The following NPEPPS variants were observed in gnomAD, a reference collection of about 807,000 sequenced individuals.
NPEPPS encodes puromycin-sensitive aminopeptidase.
In NPEPPS, 14 loss-of-function variants were observed where a neutral mutation model predicts 115.5. The ratio of observed to expected loss-of-function variants is 0.12; its 90% CI spans 0.08 to 0.19. The LOEUF (loss-of-function observed/expected upper bound fraction) is 0.19, where lower values mean the gene tolerates loss of function less well. Ranked by LOEUF, NPEPPS falls within the 10% of genes least tolerant of loss-of-function variation. NPEPPS has a pLI of 1.00. For synonymous variants in NPEPPS, 285 were observed against 390.6 expected, an observed-to-expected ratio of 0.73 and a Z score of 3.19; for missense variants, 523 against 1,110.8, an observed-to-expected ratio of 0.47 and a Z score of 7.52.
Position 47,605,698 on chromosome 17 carries a change from TCTG to T in NPEPPS, c.2095+150_2095+152del. 9 of 627,114 alleles carry T rather than the reference TCTG, an allele frequency of 1.4e-5. 1 individual carries two copies. In the South Asian group the frequency reaches 1.8e-4, roughly 13 times the overall value. The allele number at this position is 627,114 out of a possible 1,614,324, so 38.8% of individuals were successfully genotyped here. ...GAAATTAAGACGTGAGTCTTTTAAGTCTGCTGGTGAAGTTACATGGGTCAACAA... is the reference window on the plus strand; with the variant it reads ...GAAATTAAGACGTGAGTCTTTTAAGTCTGGTGAAGTTACATGGGTCAACAA... On this transcript the variant is annotated intron_variant, in intron 17 of 22. Coordinates refer to ENST00000322157, the MANE Select transcript of NPEPPS (RefSeq NM_006310.4).
intron 19 of NPEPPS, among the ~76,000 whole-genome samples, chr17:47,615,258 A>G (rs994692965): frequency 3.9e-5 from 6 of 151,916 alleles, no homozygotes; most frequent in African/African-American, 1.2e-4. Flanking sequence ...TTGTATTTTC[A>G]GTAGAGACGG....
intron 17 of NPEPPS, among the ~76,000 whole-genome samples, chr17:47,606,216 CT>C (rs1358238615): frequency 2.0e-5 from 3 of 152,076 alleles, no homozygotes; most frequent in Non-Finnish European, 4.4e-5. Context: ...CAGGGGTCAG[CT>C]TTTTTAATTA....
chr17:47,572,330 AGT>A (rs1567852808), intron 3 of NPEPPS, among the ~76,000 whole-genome samples: 2 of 152,200 alleles, frequency 1.3e-5, no homozygotes, highest in African/African-American at 4.8e-5. Flanking sequence ...GACCAAAGCA[AGT>A]AGCATGACCA....
intron 1 of NPEPPS, among the ~76,000 whole-genome samples, chr17:47,543,092 G>A (rs552379036): frequency 6.7e-6 from 1 of 149,018 alleles, no homozygotes; most frequent in Non-Finnish European, 1.5e-5. Context: ...AGCCAAGATC[G>A]CAAGATCGCA....
chr17:47,572,488 A>AC (rs892946857), intron 3 of NPEPPS, among the ~76,000 whole-genome samples: 38 of 151,762 alleles, frequency 2.5e-4, no homozygotes, highest in Non-Finnish European at 3.8e-4. Context: ...TAAAAAAAAA[A>AC]CAAACAAACC....
intron 22 of NPEPPS, 189 bp downstream of exon 22, chr17:47,619,973 C>A: frequency 1.9e-6 from 1 of 516,850 alleles, no homozygotes; most frequent in Admixed American, 3.3e-5. Flanking sequence ...TAGCTCACAT[C>A]TGTAATCTCA....
chr17:47,597,961 G>A (rs1912976908), intron 13 of NPEPPS, among the ~76,000 whole-genome samples: 1 of 152,152 alleles, frequency 6.6e-6, no homozygotes, highest in Non-Finnish European at 1.5e-5. Flanking sequence ...AATTGATCAT[G>A]TTTGGTGGGA....
chr17:47,531,165 C>G lies in NPEPPS; in HGVS notation c.-136C>G. 3.9e-6 allele frequency: 5 copies of G among 1,269,378 alleles called. No individual in the cohort carries two copies. Among genetic ancestry groups the G allele is most frequent in the Non-Finnish European group, 5.1e-6 (5 of 990,038 alleles). The allele number at this position is 1,269,378 out of a possible 1,614,324, so 78.6% of individuals were successfully genotyped here. ...TCCTCCCCTTCCCTCCCCTCCGCCC[C>G]CTTCCCCGTAGGCAGCCCGCCCGCC... On this transcript the variant is annotated 5_prime_UTR_variant, in exon 1 of 23. Coordinates refer to ENST00000322157, the MANE Select transcript of NPEPPS (RefSeq NM_006310.4).
chr17:47,608,258 C>T (rs974033804), intron 17 of NPEPPS, among the ~76,000 whole-genome samples: 1 of 152,118 alleles, frequency 6.6e-6, no homozygotes, highest in African/African-American at 2.4e-5. Context: ...AGTTTTGAGA[C>T]AAGCCTGGCC....
intron 1 of NPEPPS, among the ~76,000 whole-genome samples, chr17:47,532,196 C>T (rs573746514): frequency 6.6e-6 from 1 of 152,106 alleles, no homozygotes; most frequent in African/African-American, 2.4e-5. Context: ...GCCCCCTCCC[C>T]CTTTCCCTCA....
At chr17:47,590,667 G>A in intron 9 of NPEPPS, 50 bp from the exon 10 acceptor site, 1 of 1,565,268 alleles carries the variant, frequency 6.4e-7, no homozygotes. Flanking sequence ...TAGATTAGTA[G>A]AATGACAATC....
chr17:47,535,456 C>CA, intron 1 of NPEPPS, among the ~76,000 whole-genome samples: 1 of 147,034 alleles, frequency 6.8e-6, no homozygotes, highest in African/African-American at 2.5e-5. Context: ...GAGGCTGAGG[C>CA]AGGAGAATGG....
intron 5 of NPEPPS, among the ~76,000 whole-genome samples, chr17:47,584,913 C>T (rs1465028331): frequency 3.3e-5 from 5 of 152,198 alleles, no homozygotes; most frequent in East Asian, 1.9e-4. Context: ...CTGCAAGCTC[C>T]GCCTCCCTAG....
intron 15 of NPEPPS, among the ~76,000 whole-genome samples, chr17:47,603,004 T>C (rs948303289): frequency 6.6e-6 from 1 of 152,136 alleles, no homozygotes; most frequent in African/African-American, 2.4e-5. Context: ...GTAGGGGTGG[T>C]TTTAAAAATA....
At chr17:47,536,704 C>CTTT (rs572115219) in intron 1 of NPEPPS, among the ~76,000 whole-genome samples, 1,438 of 76,588 alleles carry the variant, frequency 0.019, 57 homozygotes, top group Middle Eastern at 0.056. Flanking sequence ...TGCCTGGCTT[C>CTTT]TTTTTTTTTT....
intron 13 of NPEPPS, 122 bp downstream of exon 13, chr17:47,596,584 CTT>C: frequency 2.0e-6 from 1 of 488,728 alleles, no homozygotes; most frequent in South Asian, 4.9e-5. Context: ...CCCTGTTACT[CTT>C]TTATCAGTAA....
At chr17:47,597,804 A>G (rs1688603902) in intron 13 of NPEPPS, among the ~76,000 whole-genome samples, 1 of 152,246 alleles carries the variant, frequency 6.6e-6, no homozygotes, top group South Asian at 2.1e-4. Flanking sequence ...TTTACATGGA[A>G]CATTTTCACG....
At chr17:47,570,884 G>C (rs1334099290) in intron 3 of NPEPPS, among the ~76,000 whole-genome samples, 2 of 152,138 alleles carry the variant, frequency 1.3e-5, no homozygotes, top group East Asian at 3.8e-4. Context: ...AAGCATTCTG[G>C]CAGTATATCA....
intron 2 of NPEPPS, among the ~76,000 whole-genome samples, chr17:47,566,019 G>A (rs912675800): frequency 1.3e-5 from 2 of 152,032 alleles, no homozygotes; most frequent in African/African-American, 2.4e-5. Flanking sequence ...TTCGAGACAG[G>A]GTCTCACTCT....
Sources: allele counts gnomAD v4.1 joint callset (sites outside exome capture counted in the v4.1 genomes callset), GRCh38; gene constraint gnomAD v4.1.1; transcripts MANE v1.5; gene names NCBI Gene and HGNC (gene_info 2026-07-23, HGNC 2026-07-21).